The following PDE11A variants were observed in gnomAD, a reference collection of about 807,000 sequenced individuals.
PDE11A encodes phosphodiesterase 11A.
In PDE11A, 100 loss-of-function variants were observed where a neutral mutation model predicts 100.5. The ratio of observed to expected loss-of-function variants is 1.00; its 90% CI spans 0.85 to 1.18. The LOEUF (loss-of-function observed/expected upper bound fraction) is 1.18. PDE11A is among the 50% of genes most tolerant of loss of function. The pLI, the probability that PDE11A is intolerant of heterozygous loss-of-function variation, is 0.00. For synonymous variants in PDE11A, 381 were observed against 420.8 expected, an observed-to-expected ratio of 0.91 and a Z score of 1.16; for missense variants, 1,141 against 1,152.6, an observed-to-expected ratio of 0.99 and a Z score of 0.15.
At chr2:177,659,807 T>C (rs1045723352) in intron 19 of PDE11A, among the ~76,000 whole-genome samples, 2 of 152,074 alleles carry the variant, frequency 1.3e-5, no homozygotes, top group Admixed American at 6.5e-5. Context: ...TCCAAAGACG[T>C]TGAGCAGCAG....
chr2:178,014,669 GAAGA>G (rs1559042459), intron 1 of PDE11A, among the ~76,000 whole-genome samples: 3 of 152,154 alleles, frequency 2.0e-5, no homozygotes, highest in Non-Finnish European at 4.4e-5. Context: ...CATAGTAAAT[GAAGA>G]GAGAGACTTT....
chr2:177,834,980 C>A (rs1256348453), intron 6 of PDE11A, among the ~76,000 whole-genome samples: 2 of 152,022 alleles, frequency 1.3e-5, no homozygotes, highest in Admixed American at 1.3e-4. Flanking sequence ...GATAAGGAGG[C>A]AGCAGCCAGC....
intron 16 of PDE11A, among the ~76,000 whole-genome samples, chr2:177,677,416 T>A (rs2080792883): frequency 6.6e-6 from 1 of 152,190 alleles, no homozygotes; most frequent in Admixed American, 6.5e-5. Flanking sequence ...TCTACTTCAA[T>A]GAATACAGTG....
intron 14 of PDE11A, 149 bp downstream of exon 14, chr2:177,700,972 G>A: frequency 1.4e-6 from 1 of 703,260 alleles, no homozygotes; most frequent in African/African-American, 1.7e-5. Flanking sequence ...TATAGGAACA[G>A]AAAAAGCTAC....
intron 5 of PDE11A, 120 bp from the exon 6 acceptor site, chr2:177,840,503 C>CTAATGTCACTT: frequency 1.2e-6 from 1 of 852,372 alleles, no homozygotes; most frequent in Non-Finnish European, 1.9e-6. Flanking sequence ...AAATAAGTGA[C>CTAATGTCACTT]ATTAGTCACA....
chr2:177,855,556 G>A (rs1248445527), intron 5 of PDE11A, among the ~76,000 whole-genome samples: 1 of 152,010 alleles, frequency 6.6e-6, no homozygotes, highest in Non-Finnish European at 1.5e-5. Flanking sequence ...CAGCCTAGCA[G>A]CCACTTGCAG....
At chr2:177,914,209 AT>A (rs1448912478) in intron 2 of PDE11A, among the ~76,000 whole-genome samples, 1 of 152,112 alleles carries the variant, frequency 6.6e-6, no homozygotes, top group African/African-American at 2.4e-5. Context: ...GTGGACATTC[AT>A]CTATTACTTA....
At chr2:177,769,767 G>C (rs552063263) in intron 9 of PDE11A, among the ~76,000 whole-genome samples, 109 of 151,720 alleles carry the variant, frequency 7.2e-4, no homozygotes, top group African/African-American at 2.5e-3. Flanking sequence ...TGTGTCTGTA[G>C]TCCCAGCTAT....
intron 6 of PDE11A, among the ~76,000 whole-genome samples, chr2:177,834,700 T>G (rs1232451193): frequency 6.6e-6 from 1 of 152,222 alleles, no homozygotes; most frequent in Non-Finnish European, 1.5e-5. Flanking sequence ...TTTCTCTCCC[T>G]GATGAAGAAA....
At chr2:177,919,693 T>C (rs2085012040) in intron 2 of PDE11A, among the ~76,000 whole-genome samples, 1 of 152,084 alleles carries the variant, frequency 6.6e-6, no homozygotes, top group South Asian at 2.1e-4. Context: ...TAAAAAGATA[T>C]TGAATCAATA....
At chr2:177,876,959 T>G (rs961498973) in intron 4 of PDE11A, among the ~76,000 whole-genome samples, 1 of 147,944 alleles carries the variant, frequency 6.8e-6, no homozygotes, top group Non-Finnish European at 1.5e-5. Flanking sequence ...AGTATGAGAC[T>G]CAAAGGAGGG....
chr2:177,943,467 C>T (rs2695739), intron 2 of PDE11A, among the ~76,000 whole-genome samples: 111,895 of 152,148 alleles, frequency 0.74, 41,486 homozygotes, highest in East Asian at 0.79. Flanking sequence ...AATTTTCATT[C>T]CTTTAATGAT....
At chr2:177,996,944 G>A in intron 2 of PDE11A, among the ~76,000 whole-genome samples, 1 of 152,156 alleles carries the variant, frequency 6.6e-6, no homozygotes, top group Admixed American at 6.5e-5. Flanking sequence ...ACAATTTGAA[G>A]TCTGAATAAT....
chr2:177,782,659 C>T (rs1243463074), intron 9 of PDE11A, among the ~76,000 whole-genome samples: 1 of 152,046 alleles, frequency 6.6e-6, no homozygotes, highest in African/African-American at 2.4e-5. Flanking sequence ...ATTCAGCTCC[C>T]TCCTCAATTT....
intron 9 of PDE11A, among the ~76,000 whole-genome samples, chr2:177,794,371 G>A (rs566326852): frequency 1.3e-5 from 2 of 152,294 alleles, no homozygotes; most frequent in East Asian, 3.9e-4. Context: ...TGAGGAAAGT[G>A]AGAATAACAG....
chr2:177,880,151 C>A (rs1307007452), intron 4 of PDE11A, among the ~76,000 whole-genome samples: 1 of 152,194 alleles, frequency 6.6e-6, no homozygotes, highest in African/African-American at 2.4e-5. Flanking sequence ...AAAGAGAGGT[C>A]TGGCCTTTGT....
chr2:178,094,431 C>T (rs1164357656), intron 2 of PDE11A, among the ~76,000 whole-genome samples: 1 of 152,118 alleles, frequency 6.6e-6, no homozygotes, highest in African/African-American at 2.4e-5. Context: ...ACTCAGGAGG[C>T]TGAGGCGGGA....
chr2:177,914,208 C>G (rs2084920923), intron 2 of PDE11A, among the ~76,000 whole-genome samples: 1 of 152,036 alleles, frequency 6.6e-6, no homozygotes, highest in African/African-American at 2.4e-5. Flanking sequence ...AGTGGACATT[C>G]ATCTATTACT....
Position 177,701,104 on chromosome 2 carries a change from GA to G in PDE11A, c.2244+16del. On this transcript the variant is annotated intron_variant, in intron 14 of 19. Transcript: ENST00000286063. ...TTGGTTTCTGTTAAGGGGAGAAGCA[GA>G]ACATCAGGCCTGTACCTCACTTTGA... is the stretch of plus-strand genomic sequence containing the variant. 1 of 1,405,558 alleles carries G rather than the reference GA, an allele frequency of 7.1e-7. No homozygotes were observed. The highest frequency in any genetic ancestry group is 1.0e-6 in the Non-Finnish European group (1 of 989,346). The allele number at this position is 1,405,558 out of a possible 1,614,324, so 87.1% of individuals were successfully genotyped here.
Sources: gnomAD v4.1 joint callset for allele counts (sites outside exome capture counted in the v4.1 genomes callset) on GRCh38, gnomAD v4.1.1 for gene constraint, MANE v1.5 for transcripts, NCBI Gene and HGNC (gene_info 2026-07-23, HGNC 2026-07-21) for gene names.